The following DOCK10 variants were observed in gnomAD, a reference collection of about 807,000 sequenced individuals.
DOCK10 encodes the protein dedicator of cytokinesis 10, also known as dedicator of cytokinesis protein 10.
A neutral mutation model predicts 280.1 loss-of-function variants in DOCK10; 145 were observed. The ratio of observed to expected loss-of-function variants is 0.52; its 90% CI spans 0.45 to 0.59. DOCK10 has a LOEUF of 0.59. Ranked by LOEUF, DOCK10 falls within the 20% of genes least tolerant of loss-of-function variation. The pLI, the probability that DOCK10 is intolerant of heterozygous loss-of-function variation, is 0.00. For missense variants in DOCK10, 2,368 were observed against 2,651.7 expected, an observed-to-expected ratio of 0.89 and a Z score of 2.35; for synonymous variants, 915 against 942.2, an observed-to-expected ratio of 0.97 and a Z score of 0.53.
chr2:224,911,557 ATTTAGAG>A (rs1264112906), intron 3 of DOCK10, among the ~76,000 whole-genome samples: 30 of 152,190 alleles, frequency 2.0e-4, no homozygotes, highest in African/African-American at 7.2e-4. Context: ...TGGTCCCAGA[ATTTAGAG>A]TTCAGGCTAA....
At chr2:224,887,157 C>T (rs1699352609) in intron 4 of DOCK10, among the ~76,000 whole-genome samples, 1 of 152,110 alleles carries the variant, frequency 6.6e-6, no homozygotes, top group Non-Finnish European at 1.5e-5. Flanking sequence ...TTCCTTCCCC[C>T]ACATTTGTAG....
At chr2:225,014,081 A>ATATATATTTTTTT (rs776104946) in intron 1 of DOCK10, among the ~76,000 whole-genome samples, 1 of 96,800 alleles carries the variant, frequency 1.0e-5, no homozygotes, top group African/African-American at 4.7e-5. Flanking sequence ...GTCTGAATAT[A>ATATATATTTTTTT]TTGTTTTTTT....
chr2:224,981,051 T>A (rs1387809160), intron 1 of DOCK10, among the ~76,000 whole-genome samples: 3 of 152,112 alleles, frequency 2.0e-5, no homozygotes, highest in Non-Finnish European at 4.4e-5. Flanking sequence ...AAAGAGTGTG[T>A]TAATGTTATT....
chr2:224,853,987 T>C (rs539379119), intron 16 of DOCK10, among the ~76,000 whole-genome samples: 16 of 152,368 alleles, frequency 1.1e-4, no homozygotes, highest in Admixed American at 7.2e-4. Context: ...TTTGTCGTGT[T>C]TCATTTCCAT....
At chr2:224,910,102 G>A (rs1481290831) in intron 3 of DOCK10, among the ~76,000 whole-genome samples, 2 of 152,206 alleles carry the variant, frequency 1.3e-5, no homozygotes, top group African/African-American at 4.8e-5. Flanking sequence ...TAGCAACCAT[G>A]GTATTTGCCC....
intron 33 of DOCK10, 39 bp downstream of exon 33, chr2:224,807,629 T>A: frequency 7.4e-7 from 1 of 1,348,528 alleles, no homozygotes; most frequent in Non-Finnish European, 1.0e-6. Flanking sequence ...AGACAAATTC[T>A]TTATTAACAT....
At chr2:225,035,565 TATA>T (rs1690219977) in intron 1 of DOCK10, among the ~76,000 whole-genome samples, 1 of 54,876 alleles carries the variant, frequency 1.8e-5, no homozygotes, top group African/African-American at 4.8e-5. Flanking sequence ...TATATATATA[TATA>T]TATATATATA....
In DOCK10 at chr2:224,805,438, C is replaced by T. The variant is rs369876923; in HGVS notation, c.3906G>A (p.Lys1302=). Reference sequence around the variant, plus strand: ...CACAGTTGTCCGTCTTCTCACTGCTCTTCTCATTGGTACTTGGATTGGAGT... The same window carrying T: ...CACAGTTGTCCGTCTTCTCACTGCTTTTCTCATTGGTACTTGGATTGGAGT... ...SLDSNPSTNE[K]SSEKTDNCEK... Residue 1302 remains lysine (K), a synonymous_variant, in exon 35 of 56, where the codon AAG becomes AAA. Transcript: ENST00000258390. This position sits in a 1 kb window ranked among gnomAD's most constrained non-coding sequence, Gnocchi z 4.3. The T allele has an allele frequency of 1.1e-5, 18 of 1,612,770 alleles. No homozygotes were observed. Among genetic ancestry groups the T allele is most frequent in the Non-Finnish European group, 1.5e-5 (18 of 1,179,168 alleles).
In DOCK10 at chr2:224,892,324, G is replaced by A. The variant is rs181332153; in HGVS notation, c.416+3971C>T. 8.7e-3 allele frequency among the ~76,000 whole-genome samples: 1,249 copies of A among 144,284 alleles called. 21 individuals are homozygous for A. The highest frequency in any genetic ancestry group is 0.03 in the African/African-American group (1,178 of 39,108). 94.7% of individuals were successfully genotyped at this position (144,284 alleles called of 152,430 possible). A position where few individuals can be genotyped will look rare whatever the true frequency, so the allele number is the denominator to read the frequency against. ...TAAGGCAGGAGGATCCTTTGAACCCGAGAGGTGGAGGTTGCGGTGAGCTGA... is the reference window on the plus strand; with the variant it reads ...TAAGGCAGGAGGATCCTTTGAACCCAAGAGGTGGAGGTTGCGGTGAGCTGA... On this transcript the variant is annotated intron_variant, in intron 4 of 55. Coordinates refer to ENST00000258390, the MANE Select transcript of DOCK10 (RefSeq NM_014689.3).
intron 1 of DOCK10, among the ~76,000 whole-genome samples, chr2:224,963,996 C>CTTTT (rs66476455): frequency 2.3e-4 from 28 of 122,790 alleles, no homozygotes; most frequent in African/African-American, 7.8e-4. Flanking sequence ...GTCTAAAATT[C>CTTTT]TTTTTTTTTT....
At chr2:224,902,252 T>C (rs1575025513) in intron 3 of DOCK10, among the ~76,000 whole-genome samples, 1 of 152,240 alleles carries the variant, frequency 6.6e-6, no homozygotes. Context: ...TACATAGTAA[T>C]AAGCAAGTAA....
intron 1 of DOCK10, among the ~76,000 whole-genome samples, chr2:224,992,425 C>T (rs1051245510): frequency 6.6e-6 from 1 of 152,130 alleles, no homozygotes; most frequent in Non-Finnish European, 1.5e-5. Flanking sequence ...CATTATTTGC[C>T]AGGACTCAGG....
rs1408162616 is a variant in DOCK10, at chr2:224,839,970, T to C, written c.2764A>G (p.Thr922Ala). 1.3e-6 allele frequency: 2 copies of C among 1,525,794 alleles called. No individual in the cohort carries two copies. Among genetic ancestry groups the C allele is most frequent in the South Asian group, 1.2e-5 (1 of 82,582 alleles). 94.5% of individuals were successfully genotyped at this position (1,525,794 alleles called of 1,614,324 possible). Residue 922 changes from threonine (T) to alanine (A), a missense_variant, in exon 24 of 56, where the codon ACT becomes GCT. By Grantham distance (58) the Thr-to-Ala change is moderately conservative. Around this residue, in one of 2 missense-constraint regions of DOCK10, gnomAD observed 1,209 missense variants for 1,250.9 expected, o/e 0.97. Transcript: ENST00000258390. Reference sequence around the variant, plus strand: ...TATGGATACCTGGTGACAGTTGTAGTTATTTCATCTTCCTCATTCTGTACC... The same window carrying C: ...TATGGATACCTGGTGACAGTTGTAGCTATTTCATCTTCCTCATTCTGTACC... ...VLVQNEEDEI[T>A]TTVTRVLTDI...
rs1559962904 is a variant in DOCK10 at position 225,016,624 on chromosome 2, C to T, written c.123+25628G>A. On this transcript the variant is annotated intron_variant, in intron 1 of 55. Transcript: ENST00000258390. ...ACATAGATACATATATCTATGTGCACATAGATACATATATCTATGTGCACA... is the reference window on the plus strand; with the variant it reads ...ACATAGATACATATATCTATGTGCATATAGATACATATATCTATGTGCACA... Among the ~76,000 whole-genome samples, 28 of 36,234 alleles carry T rather than the reference C, an allele frequency of 7.7e-4. 1 individual carries two copies. Among genetic ancestry groups the T allele is most frequent in the African/African-American group, 2.3e-3 (28 of 12,232 alleles). 23.8% of individuals were successfully genotyped at this position (36,234 alleles called of 152,430 possible). A position where few individuals can be genotyped will look rare whatever the true frequency, so the allele number is the denominator to read the frequency against.
chr2:225,038,864 C>G (rs1690336365), intron 1 of DOCK10, among the ~76,000 whole-genome samples: 2 of 152,024 alleles, frequency 1.3e-5, no homozygotes, highest in Non-Finnish European at 2.9e-5. Context: ...TTCTGGTTAT[C>G]TGAAGCCTTC....
chr2:225,022,122 T>G (rs1015467086), intron 1 of DOCK10, among the ~76,000 whole-genome samples: 1 of 152,312 alleles, frequency 6.6e-6, no homozygotes, highest in East Asian at 1.9e-4. Flanking sequence ...TATTCTAATA[T>G]TCATGCATAC....
rs963889840 is a variant in DOCK10 at position 224,795,246 on chromosome 2, G to A, written c.4939-152C>T. ...TGCATTCTATATATGTGCATTCTAT[G>A]TTTTGTGACTGTGGATACACACATT... On this transcript the variant is annotated intron_variant, in intron 44 of 55. Coordinates refer to ENST00000258390, the MANE Select transcript of DOCK10 (RefSeq NM_014689.3). 19 of 652,520 alleles carry A rather than the reference G, an allele frequency of 2.9e-5. No individual in the cohort carries two copies. The East Asian group carries it at 5.2e-4, about 18-fold the overall frequency. 40.4% of individuals were successfully genotyped at this position (652,520 alleles called of 1,614,324 possible). A position where few individuals can be genotyped will look rare whatever the true frequency, so the allele number is the denominator to read the frequency against.
At chr2:224,888,628 T>C (rs1476105726) in intron 4 of DOCK10, among the ~76,000 whole-genome samples, 2 of 152,090 alleles carry the variant, frequency 1.3e-5, no homozygotes, top group African/African-American at 2.4e-5. Context: ...TGTGAATATA[T>C]GTGTGTATAT....
At chr2:224,780,916 A>AT (rs1167934588) in intron 50 of DOCK10, among the ~76,000 whole-genome samples, 1 of 150,250 alleles carries the variant, frequency 6.7e-6, no homozygotes, top group African/African-American at 2.5e-5. Flanking sequence ...AAAAAAATGT[A>AT]TTGCGGCCTT....
Sources: allele counts gnomAD v4.1 joint callset (sites outside exome capture counted in the v4.1 genomes callset), GRCh38; gene constraint gnomAD v4.1.1; regional missense constraint gnomAD v4.1.1; non-coding constraint Gnocchi (gnomAD v3.1); transcripts MANE v1.5; gene names NCBI Gene and HGNC (gene_info 2026-07-23, HGNC 2026-07-21).